Variants in TSPAN8 observed in about 807,000 individuals in gnomAD.
TSPAN8 encodes the protein tetraspanin-8.
A neutral mutation model predicts 32.8 loss-of-function variants in TSPAN8; 21 were observed. The observed-to-expected ratio is 0.64, with a 90% CI of 0.45 to 0.92. The LOEUF is 0.92. Ranked by LOEUF, TSPAN8 falls within the 40% of genes least tolerant of loss-of-function variation. The pLI is 0.00. For synonymous variants in TSPAN8, 95 were observed against 94.6 expected (o/e 1.00, Z -0.03); for missense variants, 269 against 281.9 (o/e 0.95, Z 0.33).
In TSPAN8 at chr12:71,129,344, A is replaced by G. The variant is rs148272578; in HGVS notation, c.647T>C (p.Leu216Pro). 16 of 1,583,812 alleles carry G rather than the reference A, an allele frequency of 1.0e-5. No homozygotes were observed. Among genetic ancestry groups the G allele is most frequent in the Non-Finnish European group, 1.4e-5 (16 of 1,166,266 alleles). The part of the protein sequence containing the change: ...LIIVIGISFG[L>P]AVIEILGLVF... ...ATTATACTGTACCTCAATAACTGCC[A>G]GTCCAAATGATATTCCAATAACTAT... is the stretch of plus-strand genomic sequence containing the variant. The change falls in exon 8 of 9, where the codon CTG becomes CCG. Residue 216 changes from leucine to proline, a missense_variant. Physicochemically the swap from Leu to Pro is moderately conservative, Grantham distance 98. Transcript: ENST00000247829.
Position 71,157,589 on chromosome 12 carries a change from A to T in TSPAN8, c.60+30T>A. ...TATATCAAGATCCCCTTTCTTGCAT[A>T]AAATTGATAATTAAAAGGAAAACAC... On this transcript the variant is annotated intron_variant, in intron 2 of 8. Coordinates refer to ENST00000247829, the MANE Select transcript of TSPAN8 (RefSeq NM_004616.3). 4 of 1,482,694 alleles carry T rather than the reference A, an allele frequency of 2.7e-6. No homozygotes were observed. The South Asian group carries it at 4.5e-5, about 17-fold the overall frequency. The allele number at this position is 1,482,694 out of a possible 1,614,324, so 91.8% of individuals were successfully genotyped here. A position where few individuals can be genotyped will look rare whatever the true frequency, so the allele number is the denominator to read the frequency against.
intron 3 of TSPAN8, among the ~76,000 whole-genome samples, chr12:71,143,057 T>A (rs1385305784): frequency 6.6e-6 from 1 of 152,152 alleles, no homozygotes; most frequent in Non-Finnish European, 1.5e-5. Flanking sequence ...TCAGTAATTA[T>A]CAACTTGGAA....
intron 6 of TSPAN8, among the ~76,000 whole-genome samples, chr12:71,133,211 G>A (rs867175144): frequency 6.6e-6 from 1 of 152,030 alleles, no homozygotes; most frequent in Non-Finnish European, 1.5e-5. Context: ...AGCCTCCCGA[G>A]TAGCTGGGAT....
chr12:71,140,196 T>C (rs61226448), intron 3 of TSPAN8, among the ~76,000 whole-genome samples: 1 of 152,214 alleles, frequency 6.6e-6, no homozygotes, highest in African/African-American at 2.4e-5. Context: ...TAAAAGCATG[T>C]GTTGTTATGG....
At chr12:71,132,084 T>C (rs905547748) in intron 7 of TSPAN8, among the ~76,000 whole-genome samples, 1 of 152,210 alleles carries the variant, frequency 6.6e-6, no homozygotes, top group African/African-American at 2.4e-5. Flanking sequence ...ACAAGTCACA[T>C]AAATATGACA....
At chr12:71,127,789 G>A (rs1871392495) in intron 8 of TSPAN8, among the ~76,000 whole-genome samples, 1 of 152,056 alleles carries the variant, frequency 6.6e-6, no homozygotes, top group Admixed American at 6.6e-5. Context: ...CCCCAATCAA[G>A]TATGTCCTTA....
intron 4 of TSPAN8, among the ~76,000 whole-genome samples, chr12:71,138,595 G>T (rs915153441): frequency 6.6e-6 from 1 of 152,132 alleles, no homozygotes; most frequent in Non-Finnish European, 1.5e-5. Context: ...AATTGGCTTT[G>T]AAACAGCATC....
intron 4 of TSPAN8, among the ~76,000 whole-genome samples, chr12:71,138,715 C>CT (rs1181340103): frequency 3.3e-5 from 5 of 151,380 alleles, no homozygotes; most frequent in Admixed American, 6.6e-5. Flanking sequence ...AGACAATTAG[C>CT]TTTTTTTTTA....
rs115784756 is a variant in TSPAN8 at position 71,153,560 on chromosome 12, C to T, written c.60+4059G>A. Among the ~76,000 whole-genome samples the T allele has an allele frequency of 3.3e-3, 504 of 152,280 alleles. 4 individuals are homozygous for T. Among genetic ancestry groups the T allele is most frequent in the African/African-American group, 0.01 (422 of 41,566 alleles). ...TTTGCAAGTTATACCAGAAAGAATG[C>T]ATTTGAAAACATAAGGCCCTGGGCA... On this transcript the variant is annotated intron_variant, in intron 2 of 8. Transcript: ENST00000247829.
chr12:71,157,699 C>A lies in TSPAN8; in HGVS notation c.-21G>T. 1 of 1,598,294 alleles carries A rather than the reference C, an allele frequency of 6.3e-7. No individual in the cohort carries two copies. The highest frequency in any genetic ancestry group is 8.6e-7 in the Non-Finnish European group (1 of 1,165,832). On this transcript the variant is annotated 5_prime_UTR_variant, in exon 2 of 9. Coordinates refer to ENST00000247829, the MANE Select transcript of TSPAN8 (RefSeq NM_004616.3). ...GCCATTTCGGAAAAGGATTAGGAAT[C>A]CAGATGCCGTGAATTTAACTATTCG...
intron 7 of TSPAN8, among the ~76,000 whole-genome samples, chr12:71,129,957 T>C (rs1871469158): frequency 6.6e-6 from 1 of 151,080 alleles, no homozygotes; most frequent in African/African-American, 2.4e-5. Context: ...CTTTCTTTTT[T>C]TTTTTTTTTC....
intron 3 of TSPAN8, among the ~76,000 whole-genome samples, chr12:71,141,867 C>T (rs908119968): frequency 2.6e-5 from 4 of 152,104 alleles, no homozygotes; most frequent in Non-Finnish European, 5.9e-5. Flanking sequence ...TTCAGCTGGT[C>T]CTGAAAGATG....
chr12:71,153,675 A>G (rs752988810), intron 2 of TSPAN8, among the ~76,000 whole-genome samples: 24 of 152,214 alleles, frequency 1.6e-4, no homozygotes, highest in Admixed American at 9.2e-4. Flanking sequence ...CCTATGAAGG[A>G]TTGTAAAATT....
chr12:71,128,199 C>G (rs1272403597), intron 8 of TSPAN8, among the ~76,000 whole-genome samples: 1 of 152,192 alleles, frequency 6.6e-6, no homozygotes, highest in Non-Finnish European at 1.5e-5. Flanking sequence ...ATCTGGACTA[C>G]AAGAAAGTAA....
At chr12:71,156,838 T>C (rs991754245) in intron 2 of TSPAN8, 1 of 152,218 alleles carries the variant, frequency 6.6e-6, no homozygotes, top group Admixed American at 6.5e-5. Flanking sequence ...TCTTTAATTG[T>C]ACCATATATG....
intron 7 of TSPAN8, among the ~76,000 whole-genome samples, chr12:71,132,087 A>G (rs935330121): frequency 1.3e-5 from 2 of 152,238 alleles, no homozygotes; most frequent in Admixed American, 1.3e-4. Context: ...AGTCACATAA[A>G]TATGACATCT....
chr12:71,136,197 C>A (rs1412031744), intron 6 of TSPAN8, among the ~76,000 whole-genome samples: 3 of 152,058 alleles, frequency 2.0e-5, no homozygotes, highest in Non-Finnish European at 4.4e-5. Flanking sequence ...AAAGAAAAAT[C>A]TATCATATAT....
At chr12:71,136,662 T>A (rs573263553) in intron 6 of TSPAN8, among the ~76,000 whole-genome samples, 4 of 152,170 alleles carry the variant, frequency 2.6e-5, no homozygotes, top group Admixed American at 2.6e-4. Flanking sequence ...ATCCAGAGAG[T>A]AGAAGACCTT....
At chr12:71,134,301 T>C (rs1167635682) in intron 6 of TSPAN8, among the ~76,000 whole-genome samples, 1 of 152,214 alleles carries the variant, frequency 6.6e-6, no homozygotes, top group Non-Finnish European at 1.5e-5. Context: ...AGGAACATGA[T>C]CTGTTCAGCA....
Sources: gnomAD v4.1 joint callset for allele counts (sites outside exome capture counted in the v4.1 genomes callset) on GRCh38, gnomAD v4.1.1 for gene constraint, MANE v1.5 for transcripts, NCBI Gene and HGNC (gene_info 2026-07-23, HGNC 2026-07-21) for gene names.